DMD: variants seen among roughly 807,000 people sequenced by gnomAD.
DMD encodes mutant dystrophin.
In DMD, 63 loss-of-function variants were observed where a neutral mutation model predicts 330.1. That is an observed-to-expected ratio of 0.19 (90% CI 0.16 to 0.24). The LOEUF is 0.24. DMD is among the 10% of genes least tolerant of loss of function. The pLI is 1.00. For missense variants in DMD, 3,344 were observed against 2,684.1 expected, an observed-to-expected ratio of 1.25 and a Z score of -5.43; for synonymous variants, 1,223 against 959.8, an observed-to-expected ratio of 1.27 and a Z score of -5.07.
chrX:31,488,315 C>T (rs2146968332), intron 57 of DMD, among the ~76,000 whole-genome samples: 1 of 112,209 alleles, frequency 8.9e-6, no homozygotes, highest in East Asian at 2.8e-4. Context: ...TTGGAAATTA[C>T]TTCTGAAATG....
intron 42 of DMD, among the ~76,000 whole-genome samples, chrX:32,293,320 G>A (rs190780340): frequency 2.7e-4 from 30 of 112,155 alleles, no homozygotes; most frequent in Admixed American, 1.5e-3. Flanking sequence ...TGAAAAGAGT[G>A]AGAAGAAAGG....
At chrX:32,742,253 T>C (rs1001475597) in intron 7 of DMD, among the ~76,000 whole-genome samples, 1 of 112,196 alleles carries the variant, frequency 8.9e-6, no homozygotes, top group African/African-American at 3.2e-5. Flanking sequence ...CTTTTATTTT[T>C]AGGAGGAAAG....
chrX:33,224,533 T>C (rs909100741), intron 1 of DMD, among the ~76,000 whole-genome samples: 1 of 111,528 alleles, frequency 9.0e-6, no homozygotes, highest in Admixed American at 9.6e-5. Context: ...ATTATGAAGA[T>C]AGTAAAAATA....
intron 2 of DMD, among the ~76,000 whole-genome samples, chrX:33,001,307 C>T (rs1349456431): frequency 8.9e-6 from 1 of 111,773 alleles, no homozygotes; most frequent in Non-Finnish European, 1.9e-5. Flanking sequence ...CATTCTTTGG[C>T]CTTCAGGGAC....
chrX:32,140,093 A>T (rs2096745223), intron 44 of DMD, among the ~76,000 whole-genome samples: 1 of 111,936 alleles, frequency 8.9e-6, no homozygotes, highest in Non-Finnish European at 1.9e-5. Flanking sequence ...ACTTCCATAA[A>T]CCTGCCAATA....
At chrX:32,842,069 A>G (rs2080209376) in intron 4 of DMD, among the ~76,000 whole-genome samples, 1 of 112,167 alleles carries the variant, frequency 8.9e-6, no homozygotes, top group Non-Finnish European at 1.9e-5. Flanking sequence ...ATTTCCTTCT[A>G]TATGTTTTAT....
At chrX:31,153,438 C>T (rs1223543593) in intron 74 of DMD, among the ~76,000 whole-genome samples, 1 of 109,982 alleles carries the variant, frequency 9.1e-6, no homozygotes, top group Non-Finnish European at 1.9e-5. Flanking sequence ...ACAGCACGAG[C>T]TGAAAGCCCA....
At chrX:33,177,536 C>T (rs761573204) in intron 1 of DMD, among the ~76,000 whole-genome samples, 1 of 110,602 alleles carries the variant, frequency 9.0e-6, no homozygotes, top group African/African-American at 3.3e-5. Context: ...AGGTGCGCAC[C>T]ACCATGCCCG....
chrX:32,738,178 T>G (rs1008543773), intron 7 of DMD, among the ~76,000 whole-genome samples: 10 of 111,947 alleles, frequency 8.9e-5, no homozygotes, highest in African/African-American at 3.2e-4. Context: ...GAACATTTTC[T>G]AGGCATCCAA....
chrX:32,767,218 A>T (rs2073093184), intron 7 of DMD, among the ~76,000 whole-genome samples: 1 of 111,929 alleles, frequency 8.9e-6, no homozygotes, highest in African/African-American at 3.2e-5. Flanking sequence ...CCAAAAAAGT[A>T]GCCATTTAAA....
chrX:31,991,032 C>T (rs1443436772), intron 44 of DMD, among the ~76,000 whole-genome samples: 3 of 111,292 alleles, frequency 2.7e-5, no homozygotes, highest in Non-Finnish European at 5.7e-5. Context: ...ATGAGTTTTC[C>T]TGAAAACCAA....
intron 1 of DMD, among the ~76,000 whole-genome samples, chrX:33,228,706 T>C (rs777155578): frequency 9.3e-6 from 1 of 107,781 alleles, no homozygotes; most frequent in African/African-American, 3.5e-5. Flanking sequence ...AAAATTTTTC[T>C]TCAGCTTTTT....
chrX:33,093,547 T>C (rs2095113613), intron 1 of DMD, among the ~76,000 whole-genome samples: 1 of 112,072 alleles, frequency 8.9e-6, no homozygotes, highest in Admixed American at 9.6e-5. Context: ...CAATTATATA[T>C]ATACTTCTTT....
intron 44 of DMD, among the ~76,000 whole-genome samples, chrX:32,152,402 C>T (rs1253685775): frequency 1.8e-5 from 2 of 111,472 alleles, no homozygotes; most frequent in Non-Finnish European, 1.9e-5. Context: ...CCCATCGGAT[C>T]ATAGTGTTGG....
chrX:31,760,942 A>T (rs867608484), intron 51 of DMD, among the ~76,000 whole-genome samples: 5 of 80,853 alleles, frequency 6.2e-5, no homozygotes, highest in East Asian at 3.9e-4. Context: ...CCTAGTTAGT[A>T]TTTTTTTTTT....
chrX:32,665,742 T>C (rs1284679937), intron 9 of DMD, among the ~76,000 whole-genome samples: 1 of 112,217 alleles, frequency 8.9e-6, no homozygotes, highest in African/African-American at 3.2e-5. Context: ...TAGGAATTTT[T>C]ACACACTACT....
intron 1 of DMD, among the ~76,000 whole-genome samples, chrX:33,042,234 A>T (rs921165272): frequency 8.9e-6 from 1 of 112,104 alleles, no homozygotes; most frequent in Non-Finnish European, 1.9e-5. Flanking sequence ...TCATCTAAAA[A>T]GTACAAGACT....
At chrX:31,640,600 C>T (rs951910887) in intron 54 of DMD, among the ~76,000 whole-genome samples, 2 of 112,236 alleles carry the variant, frequency 1.8e-5, no homozygotes, top group African/African-American at 6.5e-5. Context: ...TAATTTGCAA[C>T]TAATAGATAG....
At chrX:33,002,427 T>C (rs2093301621) in intron 2 of DMD, among the ~76,000 whole-genome samples, 1 of 111,136 alleles carries the variant, frequency 9.0e-6, no homozygotes, top group African/African-American at 3.3e-5. Context: ...AGGTTTCCCA[T>C]TGGCCACTTC....
Sources: allele counts gnomAD v4.1 joint callset (sites outside exome capture counted in the v4.1 genomes callset), GRCh38; gene constraint gnomAD v4.1.1; transcripts MANE v1.5; gene names NCBI Gene and HGNC (gene_info 2026-07-23, HGNC 2026-07-21).